Variants in KIAA1671 observed in about 807,000 individuals in gnomAD.
KIAA1671 encodes uncharacterized protein KIAA1671.
KIAA1671 carries 52 observed loss-of-function variants against 131.2 expected under a neutral mutation model. The ratio of observed to expected loss-of-function variants is 0.40; its 90% CI spans 0.32 to 0.50. The LOEUF (loss-of-function observed/expected upper bound fraction) is 0.50. Ranked by LOEUF, KIAA1671 falls within the 20% of genes least tolerant of loss-of-function variation. KIAA1671 has a pLI of 0.73. For missense variants in KIAA1671, 2,360 were observed against 2,364.2 expected (o/e 1.00, Z 0.04); for synonymous variants, 1,003 against 961.6 (o/e 1.04, Z -0.80).
At chr22:25,029,683 C>T (rs1302957196) in intron 3 of KIAA1671, 143 bp downstream of exon 3, 2 of 680,902 alleles carry the variant, frequency 2.9e-6, no homozygotes, top group Non-Finnish European at 4.8e-6. Flanking sequence ...GTGTCCATTT[C>T]TCAGATGAGA....
intron 1 of KIAA1671, among the ~76,000 whole-genome samples, chr22:24,998,840 A>G (rs1395763277): frequency 6.6e-6 from 1 of 151,112 alleles, no homozygotes; most frequent in Non-Finnish European, 1.5e-5. Context: ...GACTATCTGC[A>G]GGTTTTTTTT....
chr22:24,977,619 C>T (rs1019154414), intron 1 of KIAA1671, among the ~76,000 whole-genome samples: 7 of 152,232 alleles, frequency 4.6e-5, no homozygotes, highest in African/African-American at 7.2e-5. Flanking sequence ...TGTGCTGACA[C>T]GCCAGGATCT....
At chr22:25,145,365 C>A (rs1221992412) in intron 6 of KIAA1671, among the ~76,000 whole-genome samples, 1 of 152,194 alleles carries the variant, frequency 6.6e-6, no homozygotes, top group African/African-American at 2.4e-5. Flanking sequence ...TTTCATCCCT[C>A]AGAGGACCTG....
chr22:25,059,976 T>C (rs1272410818), intron 6 of KIAA1671: 1 of 152,192 alleles, frequency 6.6e-6, no homozygotes, highest in Non-Finnish European at 1.5e-5. Flanking sequence ...CCGGGGCACC[T>C]TGGGGCTTGG....
intron 6 of KIAA1671, among the ~76,000 whole-genome samples, chr22:25,144,150 C>T (rs1452892061): frequency 6.6e-6 from 1 of 152,210 alleles, no homozygotes; most frequent in East Asian, 1.9e-4. Context: ...CTCTCTTTCT[C>T]CTGCCCCTTC....
In KIAA1671 at chr22:25,191,204, A is replaced by C. The variant is rs576412928; in HGVS notation, c.*4+420A>C. On this transcript the variant is annotated intron_variant, in intron 12 of 12. Coordinates refer to ENST00000358431, the MANE Select transcript of KIAA1671 (RefSeq NM_001145206.2). ...GCCCTTGTCACCAAGGCTGGAGTGCAATGATGCAATCTCGGATCTTGGCTC... is the reference window on the plus strand; with the variant it reads ...GCCCTTGTCACCAAGGCTGGAGTGCCATGATGCAATCTCGGATCTTGGCTC... 2.4e-4 allele frequency among the ~76,000 whole-genome samples: 35 copies of C among 147,856 alleles called. 1 individual carries two copies. The highest frequency in any genetic ancestry group is 1.9e-3 in the South Asian group (9 of 4,690).
chr22:25,035,492 C>G (rs1033456007), intron 4 of KIAA1671, among the ~76,000 whole-genome samples: 137 of 152,306 alleles, frequency 9.0e-4, no homozygotes, highest in African/African-American at 3.2e-3. Flanking sequence ...GTACCCATCT[C>G]AGTACATCAC....
At chr22:25,151,730 G>A (rs1933051595) in intron 6 of KIAA1671, among the ~76,000 whole-genome samples, 1 of 151,458 alleles carries the variant, frequency 6.6e-6, no homozygotes, top group Non-Finnish European at 1.5e-5. Flanking sequence ...GTGAGCCACC[G>A]CACATGGCCA....
chr22:24,979,979 T>C (rs75471897), intron 1 of KIAA1671, among the ~76,000 whole-genome samples: 1 of 152,068 alleles, frequency 6.6e-6, no homozygotes, highest in Non-Finnish European at 1.5e-5. Flanking sequence ...TTTTTTTTTT[T>C]TCTTGAGACT....
chr22:25,178,445 G>A (rs1934121140), intron 9 of KIAA1671, among the ~76,000 whole-genome samples: 1 of 152,258 alleles, frequency 6.6e-6, no homozygotes, highest in African/African-American at 2.4e-5. Context: ...AGAGGACACA[G>A]GAGGGGCCAG....
rs575426625 is a variant in KIAA1671, at chr22:24,962,182, C to T, written c.-208+9410C>T. 2.6e-5 allele frequency among the ~76,000 whole-genome samples: 4 copies of T among 152,268 alleles called. No homozygotes were observed. In the South Asian group the frequency reaches 6.2e-4, roughly 24 times the overall value. On this transcript the variant is annotated intron_variant, in intron 1 of 12. Coordinates refer to ENST00000358431, the MANE Select transcript of KIAA1671 (RefSeq NM_001145206.2). ...TAGCCAGTAGAGTGAGAGAACGCAG[C>T]GACGCCAAGGTGAGACTGGGAGGGA...
chr22:25,148,341 G>A (rs555852541), intron 6 of KIAA1671, among the ~76,000 whole-genome samples: 45 of 146,770 alleles, frequency 3.1e-4, no homozygotes, highest in African/African-American at 8.0e-4. Context: ...CAGTCCCAGC[G>A]CTCCCTCAGT....
chr22:25,037,723 T>TTA (rs1259720914), intron 4 of KIAA1671, among the ~76,000 whole-genome samples: 294 of 152,300 alleles, frequency 1.9e-3, no homozygotes, highest in Middle Eastern at 0.01. Flanking sequence ...ATATTTATAT[T>TTA]TATATATATG....
chr22:25,163,467 A>C (rs1388421126), intron 6 of KIAA1671, among the ~76,000 whole-genome samples: 1 of 103,410 alleles, frequency 9.7e-6, no homozygotes, highest in Non-Finnish European at 1.8e-5. Context: ...TTTGAGATGG[A>C]GTCTCACACT....
intron 4 of KIAA1671, among the ~76,000 whole-genome samples, chr22:25,032,949 G>A (rs1331479105): frequency 6.6e-6 from 1 of 152,142 alleles, no homozygotes; most frequent in Non-Finnish European, 1.5e-5. Context: ...AAGAGGCAGA[G>A]GGGCATGGCT....
intron 6 of KIAA1671, among the ~76,000 whole-genome samples, chr22:25,146,854 T>C (rs562304688): frequency 3.3e-5 from 5 of 152,328 alleles, no homozygotes; most frequent in African/African-American, 1.2e-4. Flanking sequence ...GTGGGGACTG[T>C]TTGGGAACCC....
intron 6 of KIAA1671, among the ~76,000 whole-genome samples, chr22:25,142,659 G>A (rs1473575519): frequency 6.6e-6 from 1 of 152,192 alleles, no homozygotes; most frequent in Non-Finnish European, 1.5e-5. Context: ...GTCACCTGAG[G>A]TCAGGAGTTC....
chr22:25,093,834 G>GTCTCTCTCTCTCTC (rs1568951583), intron 6 of KIAA1671, among the ~76,000 whole-genome samples: 2 of 16,940 alleles, frequency 1.2e-4, no homozygotes, highest in African/African-American at 3.3e-4. Flanking sequence ...TTCTCTCTCT[G>GTCTCTCTCTCTCTC]TCTGTCTCTC....
At chr22:25,154,826 A>G (rs1933174653) in intron 6 of KIAA1671, among the ~76,000 whole-genome samples, 1 of 152,250 alleles carries the variant, frequency 6.6e-6, no homozygotes, top group Admixed American at 6.5e-5. Context: ...CAGCTCTGCC[A>G]GGCCAGCCAT....
Sources: allele counts gnomAD v4.1 joint callset (sites outside exome capture counted in the v4.1 genomes callset), GRCh38; gene constraint gnomAD v4.1.1; transcripts MANE v1.5; gene names NCBI Gene and HGNC (gene_info 2026-07-23, HGNC 2026-07-21).